Variants in DLGAP2 observed in about 807,000 individuals in gnomAD.
DLGAP2 encodes DLG associated protein 2.
Under a neutral mutation model 100.3 loss-of-function variants are expected in DLGAP2, and 26 were observed. That is an observed-to-expected ratio of 0.26 (90% CI 0.19 to 0.36). The LOEUF is 0.36. Among genes scored for constraint, DLGAP2 ranks in the 10% least tolerant of loss-of-function variants. DLGAP2 has a pLI of 1.00. For missense variants in DLGAP2, 1,858 were observed against 1,453.2 expected (o/e 1.28, Z -4.53); for synonymous variants, 886 against 630.1 (o/e 1.41, Z -6.08).
rs149345932 is a variant in DLGAP2 at position 1,475,779 on chromosome 8, A to G, written c.107-25587A>G. ...CAGACAGAATTACTGTTCACCAACT[A>G]TTCAATAATGCTTCTAGTGTGTGAT... On this transcript the variant is annotated intron_variant, in intron 3 of 14. Coordinates refer to ENST00000637795, the MANE Select transcript of DLGAP2 (RefSeq NM_001346810.2). Among the ~76,000 whole-genome samples, 19 of 152,312 alleles carry G rather than the reference A, an allele frequency of 1.2e-4. No homozygotes were observed. The East Asian group carries it at 3.7e-3, about 29-fold the overall frequency.
At chr8:1,468,313 A>C (rs1245755930) in intron 3 of DLGAP2, among the ~76,000 whole-genome samples, 3 of 151,026 alleles carry the variant, frequency 2.0e-5, no homozygotes, top group Non-Finnish European at 2.9e-5. Context: ...GTCCATTCTG[A>C]GAACCTCGCC....
intron 3 of DLGAP2, among the ~76,000 whole-genome samples, chr8:1,463,544 C>T (rs1013993529): frequency 3.9e-5 from 6 of 152,242 alleles, no homozygotes; most frequent in Non-Finnish European, 7.3e-5. Context: ...GCTCCTGCCC[C>T]GGGTGGCCCC....
At chr8:894,868 A>G in intron 1 of DLGAP2, among the ~76,000 whole-genome samples, 2 of 124,188 alleles carry the variant, frequency 1.6e-5, no homozygotes, top group Admixed American at 9.2e-5. Flanking sequence ...GGGTGGGGAG[A>G]GCGGAGTGGT....
At chr8:1,137,895 G>C (rs769569001) in intron 2 of DLGAP2, 4 of 152,220 alleles carry the variant, frequency 2.6e-5, no homozygotes, top group Non-Finnish European at 5.9e-5. Context: ...GGTTCAAGCA[G>C]TTCTAGTGCT....
At chr8:1,203,695 T>G (rs1374108528) in intron 2 of DLGAP2, among the ~76,000 whole-genome samples, 1 of 152,224 alleles carries the variant, frequency 6.6e-6, no homozygotes, top group Non-Finnish European at 1.5e-5. Flanking sequence ...AATCCCCTTA[T>G]TCTCGCTCTA....
At chr8:1,221,046 T>G (rs1309257844) in intron 2 of DLGAP2, among the ~76,000 whole-genome samples, 1 of 152,236 alleles carries the variant, frequency 6.6e-6, no homozygotes, top group Non-Finnish European at 1.5e-5. Context: ...TCTTGCTTGT[T>G]TCTTCAGCTT....
chr8:1,366,004 C>T (rs1193966699), intron 3 of DLGAP2, among the ~76,000 whole-genome samples: 2 of 152,244 alleles, frequency 1.3e-5, no homozygotes, highest in African/African-American at 4.8e-5. Flanking sequence ...CCTCACGGCA[C>T]CGTCCAGCCT....
Position 1,440,370 on chromosome 8 carries a change from C to T in DLGAP2, c.107-60996C>T, listed in dbSNP as rs558620286. ...ATTTTATACATTGAATTTTGCGTTA[C>T]GTTTCAAAAGTGAATGTAAATATAC... On this transcript the variant is annotated intron_variant, in intron 3 of 14. Transcript: ENST00000637795. 5.3e-5 allele frequency among the ~76,000 whole-genome samples: 8 copies of T among 152,222 alleles called. No individual in the cohort carries two copies. In the South Asian group the frequency reaches 1.0e-3, roughly 20 times the overall value.
Position 1,549,168 on chromosome 8 carries a change from C to T in DLGAP2, c.715C>T (p.Leu239Phe). ...CCACCTGGTACACTCCGTGCAGAAG[C>T]TCTTCACCAAGTCGCACTCGCTGGA... ...IRHLVHSVQK[L>F]FTKSHSLEGS... is the part of the protein sequence containing the mutation. Residue 239 changes from leucine (L) to phenylalanine (F), a missense_variant, in exon 5 of 15, where the codon CTC (leucine) becomes TTC (phenylalanine). Leu to Phe is a conservative substitution (Grantham distance 22). Coordinates refer to ENST00000637795, the MANE Select transcript of DLGAP2 (RefSeq NM_001346810.2). 1 of 1,599,160 alleles carries T rather than the reference C, an allele frequency of 6.3e-7. No homozygotes were observed. Among genetic ancestry groups the T allele is most frequent in the Non-Finnish European group, 8.5e-7 (1 of 1,173,922 alleles).
chr8:835,473 C>G (rs1446552298), intron 1 of DLGAP2, among the ~76,000 whole-genome samples: 1 of 151,820 alleles, frequency 6.6e-6, no homozygotes, highest in Non-Finnish European at 1.5e-5. Flanking sequence ...GAATGCTCCC[C>G]ACCCCACCCC....
intron 4 of DLGAP2, among the ~76,000 whole-genome samples, chr8:1,535,144 C>T (rs564121569): frequency 8.5e-5 from 13 of 152,316 alleles, no homozygotes; most frequent in South Asian, 2.1e-4. Flanking sequence ...AAGTGCTGGC[C>T]GCTCCCCGAC....
At chr8:1,603,809 C>T (rs1796708677) in intron 6 of DLGAP2, among the ~76,000 whole-genome samples, 1 of 152,144 alleles carries the variant, frequency 6.6e-6, no homozygotes, top group East Asian at 1.9e-4. Context: ...GGCTTCTAAA[C>T]CTGACCACAT....
intron 5 of DLGAP2, among the ~76,000 whole-genome samples, chr8:1,556,209 A>C (rs890104151): frequency 2.0e-5 from 3 of 152,150 alleles, no homozygotes; most frequent in African/African-American, 7.2e-5. Flanking sequence ...AGTGCCCTCA[A>C]CTTGGCAGCT....
chr8:1,359,241 C>A (rs754432143), intron 3 of DLGAP2, among the ~76,000 whole-genome samples: 5 of 152,188 alleles, frequency 3.3e-5, no homozygotes, highest in African/African-American at 1.2e-4. Context: ...CCTCCCGGGA[C>A]GCATCCCCTT....
intron 2 of DLGAP2, among the ~76,000 whole-genome samples, chr8:1,020,142 C>T (rs4735967): frequency 0.034 from 5,239 of 152,252 alleles, 270 homozygotes; most frequent in South Asian, 0.13. Context: ...AGTATCCATA[C>T]AGTGGCCTGA....
chr8:915,425 T>C (rs144223884), intron 2 of DLGAP2, among the ~76,000 whole-genome samples: 4,972 of 152,208 alleles, frequency 0.033, 119 homozygotes, highest in Non-Finnish European at 0.046. Context: ...CTGGCACCTG[T>C]AGTCCTAGCT....
At chr8:1,103,364 C>G (rs1351686301) in intron 2 of DLGAP2, among the ~76,000 whole-genome samples, 3 of 151,806 alleles carry the variant, frequency 2.0e-5, no homozygotes, top group East Asian at 1.9e-4. Context: ...ACGGTGATGA[C>G]TGACGGGGAC....
intron 4 of DLGAP2, among the ~76,000 whole-genome samples, chr8:1,537,321 G>A (rs1801186933): frequency 6.6e-6 from 1 of 152,212 alleles, no homozygotes; most frequent in Admixed American, 6.5e-5. Flanking sequence ...GCCTGTGTGT[G>A]TGGTGAGTGT....
At chr8:1,525,160 A>G (rs573558893) in intron 4 of DLGAP2, among the ~76,000 whole-genome samples, 10 of 146,142 alleles carry the variant, frequency 6.8e-5, no homozygotes, top group African/African-American at 2.3e-4. Flanking sequence ...CTTCAAAGCA[A>G]TTCACCGGTG....
Sources: allele counts gnomAD v4.1 joint callset (sites outside exome capture counted in the v4.1 genomes callset), GRCh38; gene constraint gnomAD v4.1.1; transcripts MANE v1.5; gene names NCBI Gene and HGNC (gene_info 2026-07-23, HGNC 2026-07-21).